Variants in NSMF observed in about 807,000 individuals in gnomAD.
The protein encoded by NSMF is nasal embryonic LHRH factor.
Under a neutral mutation model 71.0 loss-of-function variants are expected in NSMF, and 31 were observed. The observed-to-expected ratio is 0.44, with a 90% CI of 0.33 to 0.59. NSMF has a LOEUF of 0.59. Among genes scored for constraint, NSMF ranks in the 20% least tolerant of loss-of-function variants. The pLI is 0.04. For missense variants in NSMF, 673 were observed against 740.5 expected (o/e 0.91, Z 1.06); for synonymous variants, 345 against 287.1 (o/e 1.20, Z -2.04).
chr9:137,449,886 T>C (rs1269258904), intron 14 of NSMF, 37 bp downstream of exon 14: 1 of 1,558,936 alleles, frequency 6.4e-7, no homozygotes, highest in East Asian at 2.2e-5. Flanking sequence ...GTCGGGGGTT[T>C]CCAGAGGTCT....
Position 137,453,559 on chromosome 9 carries a change from C to A in NSMF, c.922+172G>T. 1 of 630,392 alleles carries A rather than the reference C, an allele frequency of 1.6e-6. No homozygotes were observed. Among genetic ancestry groups the A allele is most frequent in the Non-Finnish European group, 2.7e-6 (1 of 366,488 alleles). 39.0% of individuals were successfully genotyped at this position (630,392 alleles called of 1,614,324 possible). ...CCAGCACTGCCGCGGCCGTTGTTAG[C>A]CCCGCCTTTGCGATCGGAGATGCTG... is the stretch of plus-strand genomic sequence containing the variant. On this transcript the variant is annotated intron_variant, in intron 8 of 15. Transcript: ENST00000371475. This position sits in a 1 kb window ranked among gnomAD's most constrained non-coding sequence, Gnocchi z 4.5.
intron 2 of NSMF, 61 bp downstream of exon 2, chr9:137,458,427 G>A: frequency 7.0e-7 from 1 of 1,420,460 alleles, no homozygotes; most frequent in South Asian, 1.2e-5. Flanking sequence ...CGGAGGCAGG[G>A]ATCAGCATCC....
intron 4 of NSMF, 42 bp downstream of exon 4, chr9:137,456,369 G>A: frequency 4.0e-6 from 6 of 1,494,880 alleles, no homozygotes; most frequent in Non-Finnish European, 5.6e-6. Context: ...AGCAGAAAGA[G>A]ACCACCCAAC....
At position 137,454,428 on chromosome 9, in the gene NSMF, G is replaced by GT; in HGVS notation, c.794dup (p.His265GlnfsTer17). 1 of 1,550,300 alleles carries GT rather than the reference G, an allele frequency of 6.5e-7. No individual in the cohort carries two copies. The highest frequency in any genetic ancestry group is 1.2e-5 in the South Asian group (1 of 84,066). On this transcript the variant is annotated frameshift_variant, in exon 7 of 16. Transcript: ENST00000371475. LOFTEE classifies it high-confidence loss of function. ...CCCTCCGGCTGCCGACCATGCGCAG[G>GT]TGTTTGCGGAAGTTCCTGGGGGAGG...
intron 1 of NSMF, 116 bp from the exon 2 acceptor site, chr9:137,458,665 T>A: frequency 9.7e-7 from 1 of 1,035,028 alleles, no homozygotes; most frequent in Non-Finnish European, 1.4e-6. Context: ...GGAAGGAGGG[T>A]CGGGGTCGTC....
chr9:137,454,205 C>T (rs1830711683), intron 7 of NSMF, among the ~76,000 whole-genome samples, 186 bp downstream of exon 7: 1 of 33,392 alleles, frequency 3.0e-5, no homozygotes, highest in Admixed American at 3.8e-4. Flanking sequence ...CTGGGCCGGG[C>T]TGGGGGCGTG....
chr9:137,453,719 C>A lies in NSMF; in HGVS notation c.922+12G>T. Reference sequence around the variant, plus strand: ...TCTGGGGAAGGTGGGCGGGCCTGTGCGGGGCACCTACTGTCTCGGGAGTCG... The same window carrying A: ...TCTGGGGAAGGTGGGCGGGCCTGTGAGGGGCACCTACTGTCTCGGGAGTCG... On this transcript the variant is annotated intron_variant, in intron 8 of 15. Transcript: ENST00000371475. This position sits in a 1 kb window ranked among gnomAD's most constrained non-coding sequence, Gnocchi z 4.5. 1 of 1,592,230 alleles carries A rather than the reference C, an allele frequency of 6.3e-7. No individual in the cohort carries two copies. The highest frequency in any genetic ancestry group is 8.5e-7 in the Non-Finnish European group (1 of 1,172,478).
rs887747103 is a variant in NSMF, at chr9:137,447,935, C to T, written c.*1459G>A. 1 of 152,238 alleles carries T rather than the reference C, an allele frequency of 6.6e-6. No homozygotes were observed. Among genetic ancestry groups the T allele is most frequent in the Non-Finnish European group, 1.5e-5 (1 of 68,076 alleles). The allele number at this position is 152,238 out of a possible 1,614,324, so 9.4% of individuals were successfully genotyped here. A position where few individuals can be genotyped will look rare whatever the true frequency, so the allele number is the denominator to read the frequency against. ...TGTGGCGTGAGGGACATACAGCCCT[C>T]TCCCTGGTGCCCTCAGGCGGCAGGG... is the stretch of plus-strand genomic sequence containing the variant. On this transcript the variant is annotated 3_prime_UTR_variant, in exon 16 of 16. Transcript: ENST00000371475.
rs961353955 is a variant in NSMF at position 137,456,495 on chromosome 9, G to A, written c.629-9C>T. On this transcript the variant is annotated splice_polypyrimidine_tract_variant and intron_variant, in intron 3 of 15. Transcript: ENST00000371475. ...ACGAATAGGGATGTCGTCTAAGAGA[G>A]ACAAAAAGGAGCGGTGGCTGGGTGA... is the stretch of plus-strand genomic sequence containing the variant. 11 of 1,599,528 alleles carry A rather than the reference G, an allele frequency of 6.9e-6. No homozygotes were observed. The highest frequency in any genetic ancestry group is 2.6e-6 in the Non-Finnish European group (3 of 1,167,646).
rs748546164 is a variant in NSMF at position 137,454,475 on chromosome 9, C to T, written c.780-32G>A. 47 of 1,549,858 alleles carry T rather than the reference C, an allele frequency of 3.0e-5. No individual in the cohort carries two copies. In the South Asian group the frequency reaches 4.2e-4, roughly 14 times the overall value. ...GAGGAAGCCAGGGGCTGAAGAGGGC[C>T]GTGAGAGGGTGACGGCAGCCCCTGC... On this transcript the variant is annotated intron_variant, in intron 6 of 15. Transcript: ENST00000371475.
chr9:137,454,833 G>T (rs572154602), intron 6 of NSMF: 2 of 1,252,770 alleles, frequency 1.6e-6, no homozygotes, highest in Non-Finnish European at 2.1e-6. Flanking sequence ...ACCCCATGGC[G>T]GGCTGGGGGC....
intron 7 of NSMF, among the ~76,000 whole-genome samples, chr9:137,454,039 G>A (rs1377938309): frequency 6.6e-6 from 1 of 151,070 alleles, no homozygotes; most frequent in African/African-American, 2.4e-5. Flanking sequence ...GGGAAGGGAG[G>A]AGCCTGGGCC....
rs759796297 is a variant in NSMF at position 137,450,187 on chromosome 9, C to T, written c.1305G>A (p.Glu435=). 9.3e-6 allele frequency: 15 copies of T among 1,613,414 alleles called. No individual in the cohort carries two copies. Among genetic ancestry groups the T allele is most frequent in the Non-Finnish European group, 2.5e-6 (3 of 1,179,854 alleles). ...ACCCGGCTTCTCACTGAATCATGTC[C>T]TCTTCCTTCTCCACTTTGGCAAAGG... ...VATFAKVEKE[E]DMIHFWKRLS... The change falls in exon 13 of 16, where the codon GAG becomes GAA. Residue 435 remains glutamate (E), a synonymous_variant. Coordinates refer to ENST00000371475, the MANE Select transcript of NSMF (RefSeq NM_001130969.3).
rs896325427 is a variant in NSMF at position 137,449,975 on chromosome 9, T to A, written c.1367A>T (p.Asn456Ile). The A allele has an allele frequency of 6.2e-7, 1 of 1,613,138 alleles. No homozygotes were observed. Among genetic ancestry groups the A allele is most frequent in the African/African-American group, 1.3e-5 (1 of 74,918 alleles). The change falls in exon 14 of 16, where the codon AAC (asparagine) becomes ATC (isoleucine). Residue 456 changes from asparagine to isoleucine, a missense_variant. Asn to Ile is a moderately radical substitution (Grantham distance 149). Around this residue, in one of 2 missense-constraint regions of NSMF, gnomAD observed 202 missense variants for 280.8 expected, o/e 0.72. Transcript: ENST00000371475. Reference protein sequence around the residue: ...RLMSKVNPEPNVIHIMGCYIL... With the variant: ...RLMSKVNPEPIVIHIMGCYIL... ...GTAGCAGCCCATGATGTGGATGACG[T>A]TCGGCTCTGGGTTCACTTTGCTCAT...
chr9:137,452,692 CG>C (rs750311007), intron 10 of NSMF, 43 bp downstream of exon 10: 2 of 1,600,888 alleles, frequency 1.2e-6, no homozygotes, highest in Admixed American at 3.4e-5. Context: ...AGGGTGGGGC[CG>C]CAAGAGGGCA....
intron 13 of NSMF, 50 bp from the exon 14 acceptor site, chr9:137,450,075 C>T: frequency 6.3e-7 from 1 of 1,592,966 alleles, no homozygotes; most frequent in Non-Finnish European, 8.6e-7. Context: ...GCACCCCACT[C>T]CACAGAGCGG....
chr9:137,448,960 G>GTGGGCTGC lies in NSMF; in HGVS notation c.*426_*433dup, dbSNP rs535770537. On this transcript the variant is annotated 3_prime_UTR_variant, in exon 16 of 16. Transcript: ENST00000371475. This position sits in a 1 kb window ranked among gnomAD's most constrained non-coding sequence, Gnocchi z 5.3. ...TGGGCAGGGAGGGTCCTGAACACAT[G>GTGGGCTGC]TGGGCTGCTGGGCTGCTGGGCCGGG... The GTGGGCTGC allele has an allele frequency of 2.0e-4, 63 of 320,748 alleles. No individual in the cohort carries two copies. Among genetic ancestry groups the GTGGGCTGC allele is most frequent in the South Asian group, 8.4e-4 (32 of 37,956 alleles). 19.9% of individuals were successfully genotyped at this position (320,748 alleles called of 1,614,324 possible).
chr9:137,449,333 A>C lies in NSMF; in HGVS notation c.*61T>G, dbSNP rs1206173634. On this transcript the variant is annotated 3_prime_UTR_variant, in exon 16 of 16. Transcript: ENST00000371475. Reference sequence around the variant, plus strand: ...AGTCCCGGGGAGCACGAGGCGGCCCAGCCCCAGGTCCCGGTGCAGAGGGAG... The same window carrying C: ...AGTCCCGGGGAGCACGAGGCGGCCCCGCCCCAGGTCCCGGTGCAGAGGGAG... 6.9e-7 allele frequency: 1 copy of C among 1,441,830 alleles called. No individual in the cohort carries two copies. The highest frequency in any genetic ancestry group is 9.7e-7 in the Non-Finnish European group (1 of 1,030,324). 89.3% of individuals were successfully genotyped at this position (1,441,830 alleles called of 1,614,324 possible).
Position 137,457,851 on chromosome 9 carries a change from G to T in NSMF, c.184C>A (p.Gln62Lys). 6.4e-7 allele frequency: 1 copy of T among 1,552,640 alleles called. No homozygotes were observed. ...CGGCGCTTGTTCTGGGGGGCCGGCT[G>T]CATCTCGGGGGACCCGTCGTGGCCA... is the stretch of plus-strand genomic sequence containing the variant. The part of the protein sequence containing the change: ...YSGHDGSPEM[Q>K]PAPQNKRRLS... The change falls in exon 3 of 16, where the codon CAG becomes AAG. Residue 62 changes from glutamine (Q) to lysine (K), a missense_variant. By Grantham distance (53) the Gln-to-Lys change is moderately conservative. Transcript: ENST00000371475.
Sources: allele counts gnomAD v4.1 joint callset (sites outside exome capture counted in the v4.1 genomes callset), GRCh38; gene constraint gnomAD v4.1.1; regional missense constraint gnomAD v4.1.1; non-coding constraint Gnocchi (gnomAD v3.1); transcripts MANE v1.5; gene names NCBI Gene and HGNC (gene_info 2026-07-23, HGNC 2026-07-21).